The following KRT34 variants were observed in gnomAD, a reference collection of about 807,000 sequenced individuals.
KRT34 encodes keratin, type I cuticular Ha4.
In KRT34, 31 loss-of-function variants were observed where a neutral mutation model predicts 41.7. The ratio of observed to expected loss-of-function variants is 0.74; its 90% confidence interval spans 0.56 to 1.00. The LOEUF (loss-of-function observed/expected upper bound fraction) is 1.00, where lower values mean the gene tolerates loss of function less well. KRT34 is among the 50% of genes least tolerant of loss of function. KRT34 has a pLI of 0.00. For missense variants in KRT34, 523 were observed against 500.3 expected (o/e 1.05, Z -0.43); for synonymous variants, 224 against 212.9 (o/e 1.05, Z -0.45).
chr17:41,378,462 TGTATTTTTG>T (rs1316045145), intron 6 of KRT34, among the ~76,000 whole-genome samples: 2 of 152,158 alleles, frequency 1.3e-5, no homozygotes, highest in Non-Finnish European at 2.9e-5. Flanking sequence ...GCTAATTTTT[TGTATTTTTG>T]GTAGCGATGG....
upstream of KRT34, chr17:41,382,368 A>G: frequency 1.2e-6 from 2 of 1,607,802 alleles, no homozygotes; most frequent in South Asian, 2.2e-5. Context: ...CTTGGCATAC[A>G]GCATAGTTTC....
rs139913573 is a variant in KRT34, at chr17:41,382,209, C to A, written c.38G>T (p.Arg13Leu). The A allele has an allele frequency of 3.7e-6, 6 of 1,612,292 alleles. No individual in the cohort carries two copies. The African/African-American group carries it at 6.7e-5, about 18-fold the overall frequency. The change falls in exon 1 of 7, where the codon CGC (arginine) becomes CTC (leucine). Residue 13 changes from arginine to leucine, a missense_variant. Coordinates refer to ENST00000394001, the MANE Select transcript of KRT34 (RefSeq NM_001386014.1). ...YSCCLPSLGCRTSCSSRPCVP... is the reference protein window; with the variant it reads ...YSCCLPSLGCLTSCSSRPCVP... ...GCAGGGCCGGGAGGAGCAGCTGGTG[C>A]GGCAGCCCAGGCTGGGCAGGCAACA...
Position 41,382,132 on chromosome 17 carries a change from C to A in KRT34, c.115G>T (p.Ala39Ser). Residue 39 changes from alanine (A) to serine (S), a missense_variant, in exon 1 of 7, where the codon GCC (alanine) becomes TCC (serine). Transcript: ENST00000394001. ...YTLPGACNIP[A>S]NVSNCNWFCE... The stretch of plus-strand genomic sequence containing the variant: ...AACCAGTTGCAGTTGCTCACATTGG[C>A]GGGGATGTTGCAGGCCCCAGGCAGG... 6.2e-7 allele frequency: 1 copy of A among 1,612,454 alleles called. No homozygotes were observed.
At chr17:41,382,846 A>G (rs1266311292), upstream of KRT34, among the ~76,000 whole-genome samples, 1 of 152,230 alleles carries the variant, frequency 6.6e-6, no homozygotes, top group Non-Finnish European at 1.5e-5. Context: ...GGAACTTGCC[A>G]ACACATGGAG....
At chr17:41,382,476 T>C (rs2018016020), upstream of KRT34, 1 of 963,038 alleles carries the variant, frequency 1.0e-6, no homozygotes, top group Non-Finnish European at 1.5e-6. Flanking sequence ...ATTCAGCTTA[T>C]GTCACACCAG....
intron 3 of KRT34, among the ~76,000 whole-genome samples, chr17:41,380,071 C>T (rs1261303782): frequency 2.0e-5 from 3 of 152,110 alleles, no homozygotes; most frequent in African/African-American, 7.2e-5. Context: ...CCATCCTAGC[C>T]AACATGGTGA....
upstream of KRT34, chr17:41,382,396 C>G: frequency 6.3e-7 from 1 of 1,575,660 alleles, no homozygotes; most frequent in Non-Finnish European, 8.7e-7. Flanking sequence ...AATGCTTCAG[C>G]TAATTTTTCT....
Position 41,378,066 on chromosome 17 carries a change from C to T in KRT34, c.1178G>A (p.Cys393Tyr). Reference sequence around the variant, plus strand: ...AAAGAGGATACAAGCTTTTCAATTACAGCAACCCTTTTGAGAGGTGCCACA... The same window carrying T: ...AAAGAGGATACAAGCTTTTCAATTATAGCAACCCTTTTGAGAGGTGCCACA... The part of the protein sequence containing the change: ...GPCGTSQKGC[C>Y]N The change falls in exon 7 of 7, where the codon TGT becomes TAT. Residue 393 changes from cysteine (C) to tyrosine (Y), a missense_variant. Transcript: ENST00000394001. 1 of 1,611,944 alleles carries T rather than the reference C, an allele frequency of 6.2e-7. No individual in the cohort carries two copies. Among genetic ancestry groups the T allele is most frequent in the South Asian group, 1.1e-5 (1 of 90,968 alleles).
At position 41,377,851 on chromosome 17, in the gene KRT34, C is replaced by T; in HGVS notation, c.*208G>A. 1 of 541,096 alleles carries T rather than the reference C, an allele frequency of 1.8e-6. No individual in the cohort carries two copies. 33.5% of individuals were successfully genotyped at this position (541,096 alleles called of 1,614,324 possible). ...TTTAGAAACAAACAGGCTCGACCCTCAACAGGAAGGAGTTGTCCAGACATT... is the reference window on the plus strand; with the variant it reads ...TTTAGAAACAAACAGGCTCGACCCTTAACAGGAAGGAGTTGTCCAGACATT... On this transcript the variant is annotated 3_prime_UTR_variant, in exon 7 of 7. Transcript: ENST00000394001.
rs779243999 is a variant in KRT34 at position 41,378,165 on chromosome 17, TTAGA to T, written c.1098-23_1098-20del. The T allele has an allele frequency of 5.7e-6, 9 of 1,572,240 alleles. No individual in the cohort carries two copies. Among genetic ancestry groups the T allele is most frequent in the Middle Eastern group, 3.3e-4 (2 of 5,972 alleles). On this transcript the variant is annotated intron_variant, in intron 6 of 6. Transcript: ENST00000394001. ...GGGGAGCCTAGGAGGACAAGGAGGTTTAGAATGGCTTTAGGAGGAGGTTTTAATG... is the reference window on the plus strand; with the variant it reads ...GGGGAGCCTAGGAGGACAAGGAGGTTATGGCTTTAGGAGGAGGTTTTAATG...
chr17:41,382,663 T>A (rs2144337017), upstream of KRT34, among the ~76,000 whole-genome samples: 1 of 152,328 alleles, frequency 6.6e-6, no homozygotes, highest in African/African-American at 2.4e-5. Context: ...TTTCCGCCAC[T>A]GTTCTTTCTC....
In KRT34 at chr17:41,381,873, G is replaced by GC. The variant is rs762604171; in HGVS notation, c.348+25dup. 132 of 1,612,828 alleles carry GC rather than the reference G, an allele frequency of 8.2e-5. 1 individual carries two copies. Among genetic ancestry groups the GC allele is most frequent in the Admixed American group, 1.3e-4 (8 of 59,950 alleles). On this transcript the variant is annotated intron_variant, in intron 1 of 6. Coordinates refer to ENST00000394001, the MANE Select transcript of KRT34 (RefSeq NM_001386014.1). ...GTTCAAAGAGAGCCAGCTGCTGCTG[G>GC]CCCCCCATATGGCCAACCCCCTCAC...
At position 41,379,718 on chromosome 17, in the gene KRT34, AG is replaced by A. The variant is rs768588112; in HGVS notation, c.601del (p.Leu201CysfsTer21). ...GAGGCGGTCTCCAAGCTGGGAGCGC[AG>A]GGTGTTAACCTCCTGTTGGAGAAAA... ...KKNHEEEVNTLRSQLGDRLNV... is the reference protein window; with the variant it reads ...KKNHEEEVNTXRSQLGDRLNV... On this transcript the variant is annotated frameshift_variant, in exon 4 of 7. Coordinates refer to ENST00000394001, the MANE Select transcript of KRT34 (RefSeq NM_001386014.1). LOFTEE classifies it high-confidence loss of function. The A allele has an allele frequency of 1.1e-5, 17 of 1,609,168 alleles. No homozygotes were observed. The highest frequency in any genetic ancestry group is 1.7e-4 in the Middle Eastern group (1 of 6,032).
upstream of KRT34, among the ~76,000 whole-genome samples, chr17:41,383,270 G>A (rs1157908551): frequency 6.6e-6 from 1 of 152,142 alleles, no homozygotes; most frequent in East Asian, 1.9e-4. Flanking sequence ...GCCCGCCTCG[G>A]CCTCCCAAAG....
chr17:41,378,585 C>T (rs2017890962), intron 6 of KRT34, among the ~76,000 whole-genome samples: 1 of 152,250 alleles, frequency 6.6e-6, no homozygotes, highest in African/African-American at 2.4e-5. Context: ...TTGCACCCAG[C>T]CAGAATCAAG....
chr17:41,380,438 C>T (rs571297642), intron 3 of KRT34, among the ~76,000 whole-genome samples: 4 of 152,300 alleles, frequency 2.6e-5, no homozygotes, highest in Admixed American at 2.0e-4. Flanking sequence ...TCCTCGCTTC[C>T]CATCACATCT....
chr17:41,381,020 A>G, intron 3 of KRT34, 36 bp downstream of exon 3: 1 of 1,602,382 alleles, frequency 6.2e-7, no homozygotes, highest in Middle Eastern at 1.9e-4. Context: ...CTAGTAGCTT[A>G]GTTCTGAGGC....
In KRT34 at chr17:41,382,097, G is replaced by A. The variant is rs190446535; in HGVS notation, c.150C>T (p.Gly50=). ...TCTCCTTCTCGCTGCCATTGAAGGA[G>A]CCCTCACAGAACCAGTTGCAGTTGC... is the stretch of plus-strand genomic sequence containing the variant. The part of the protein sequence containing the change: ...NVSNCNWFCE[G]SFNGSEKETM... The change falls in exon 1 of 7, where the codon GGC becomes GGT. Residue 50 remains glycine (G), a synonymous_variant. Transcript: ENST00000394001. 3.7e-6 allele frequency: 6 copies of A among 1,612,698 alleles called. No homozygotes were observed. The highest frequency in any genetic ancestry group is 4.5e-5 in the East Asian group (2 of 44,878).
chr17:41,383,164 G>C (rs1036556982), upstream of KRT34, among the ~76,000 whole-genome samples: 1 of 152,102 alleles, frequency 6.6e-6, no homozygotes, highest in African/African-American at 2.4e-5. Flanking sequence ...GATTACAGGT[G>C]CCCGCCACCA....
Sources: gnomAD v4.1 joint callset for allele counts (sites outside exome capture counted in the v4.1 genomes callset) on GRCh38, gnomAD v4.1.1 for gene constraint, MANE v1.5 for transcripts, NCBI Gene and HGNC (gene_info 2026-07-23, HGNC 2026-07-21) for gene names.